Variants in COG5 observed in about 807,000 individuals in gnomAD.
COG5 encodes conserved oligomeric Golgi complex subunit 5.
Under a neutral mutation model 110.4 loss-of-function variants are expected in COG5, and 86 were observed. The observed-to-expected ratio is 0.78, with a 90% CI of 0.65 to 0.93. The LOEUF (loss-of-function observed/expected upper bound fraction) is 0.93. COG5 is among the 40% of genes least tolerant of loss of function. The pLI, the probability that COG5 is intolerant of heterozygous loss-of-function variation, is 0.00. For missense variants in COG5, 1,077 were observed against 987.0 expected (o/e 1.09, Z -1.22); for synonymous variants, 360 against 334.6 (o/e 1.08, Z -0.83).
intron 1 of COG5, among the ~76,000 whole-genome samples, chr7:107,561,765 A>G (rs1180013953): frequency 6.6e-6 from 1 of 152,222 alleles, no homozygotes; most frequent in African/African-American, 2.4e-5. Context: ...TCACGAGGTC[A>G]GGAGATCGAG....
Position 107,248,481 on chromosome 7 carries a change from CCA to C in COG5, c.1766_1767del (p.Met589ArgfsTer38). The C allele has an allele frequency of 6.2e-7, 1 of 1,603,130 alleles. No homozygotes were observed. The highest frequency in any genetic ancestry group is 8.5e-7 in the Non-Finnish European group (1 of 1,172,702). On this transcript the variant is annotated frameshift_variant, in exon 17 of 22. Transcript: ENST00000297135. LOFTEE classifies it high-confidence loss of function. ...ISALKAIHALMENAVQPLLTS... is the reference protein window; with the variant it reads ...ISALKAIHALXENAVQPLLTS... ...GTGAGTAAGGGTTGCACAGCATTTT[CCA>C]TAAGAGCATGAATAGCCTAAAAAAA...
At chr7:107,529,024 T>TAAAAAAAAAAAAAAAAA (rs58281094) in intron 5 of COG5, among the ~76,000 whole-genome samples, 5 of 97,828 alleles carry the variant, frequency 5.1e-5, no homozygotes, top group African/African-American at 1.5e-4. Context: ...AATACTTAAA[T>TAAAAAAAAAAAAAAAAA]AAAAAAAAAA....
intron 3 of COG5, among the ~76,000 whole-genome samples, chr7:107,552,896 T>C: frequency 6.6e-6 from 1 of 152,098 alleles, no homozygotes; most frequent in East Asian, 1.9e-4. Context: ...TAAAGAAACA[T>C]GGTACATATA....
chr7:107,539,477 C>G (rs908199692), intron 5 of COG5, among the ~76,000 whole-genome samples: 1 of 152,048 alleles, frequency 6.6e-6, no homozygotes, highest in African/African-American at 2.4e-5. Context: ...CATGAAATGT[C>G]CTGAATAGGG....
intron 14 of COG5, among the ~76,000 whole-genome samples, chr7:107,265,465 A>C (rs1380901094): frequency 6.6e-6 from 1 of 152,052 alleles, no homozygotes; most frequent in African/African-American, 2.4e-5. Context: ...TTCTGTAGAG[A>C]CAGGGTCCAC....
Position 107,557,988 on chromosome 7 carries a change from T to G in COG5, c.222A>C (p.Glu74Asp). Residue 74 changes from glutamate (E) to aspartate (D), a missense_variant, in exon 2 of 22, where the codon GAA becomes GAC. Glu to Asp is a conservative substitution (Grantham distance 45). Transcript: ENST00000297135. ...LAQGISQLDR[E>D]LHLQVVARHE... ...AGATCAGAATTACCTGTAAGTGTAG[T>G]TCTCTGTCCAACTGACTGATTCCTT... 1 of 1,613,592 alleles carries G rather than the reference T, an allele frequency of 6.2e-7. No individual in the cohort carries two copies. The highest frequency in any genetic ancestry group is 1.1e-5 in the South Asian group (1 of 91,036).
At chr7:107,398,508 C>A (rs1791177451) in intron 7 of COG5, among the ~76,000 whole-genome samples, 1 of 152,172 alleles carries the variant, frequency 6.6e-6, no homozygotes. Context: ...AGGTTGTGTG[C>A]TCCTTATGAG....
intron 6 of COG5, among the ~76,000 whole-genome samples, chr7:107,433,392 C>A (rs1197028550): frequency 1.3e-5 from 2 of 152,076 alleles, no homozygotes; most frequent in African/African-American, 4.8e-5. Flanking sequence ...ACAGCCAAAA[C>A]AAAAGATGCA....
intron 14 of COG5, among the ~76,000 whole-genome samples, chr7:107,268,435 G>A (rs149894077): frequency 3.9e-5 from 6 of 152,238 alleles, no homozygotes; most frequent in Admixed American, 2.6e-4. Flanking sequence ...TTACCTGATC[G>A]AAAGCAGGAA....
chr7:107,360,786 A>T (rs1037254346), intron 10 of COG5, among the ~76,000 whole-genome samples: 3 of 152,174 alleles, frequency 2.0e-5, no homozygotes, highest in African/African-American at 7.2e-5. Flanking sequence ...CTTGTCACTC[A>T]CATACCACTC....
At position 107,415,935 on chromosome 7, in the gene COG5, T is replaced by C. The variant is rs1369334021; in HGVS notation, c.539-3303A>G. 2.4e-5 allele frequency among the ~76,000 whole-genome samples: 3 copies of C among 126,754 alleles called. 1 individual carries two copies. The highest frequency in any genetic ancestry group is 5.1e-5 in the Non-Finnish European group (3 of 58,476). The allele number at this position is 126,754 out of a possible 152,430, so 83.2% of individuals were successfully genotyped here. A position where few individuals can be genotyped will look rare whatever the true frequency, so the allele number is the denominator to read the frequency against. On this transcript the variant is annotated intron_variant, in intron 6 of 21. Coordinates refer to ENST00000297135, the MANE Select transcript of COG5 (RefSeq NM_006348.5). ...GTATGTGTGTGTATATACACACACATACACGTATGTATGTATGTGTGTGTA... is the reference window on the plus strand; with the variant it reads ...GTATGTGTGTGTATATACACACACACACACGTATGTATGTATGTGTGTGTA...
intron 11 of COG5, among the ~76,000 whole-genome samples, chr7:107,309,500 T>C (rs994972903): frequency 1.3e-5 from 2 of 152,120 alleles, no homozygotes; most frequent in African/African-American, 4.8e-5. Context: ...CAGAGCCCAG[T>C]GGGAGACACA....
chr7:107,500,129 C>T (rs1464748730), intron 6 of COG5, among the ~76,000 whole-genome samples: 2 of 152,154 alleles, frequency 1.3e-5, no homozygotes, highest in Non-Finnish European at 2.9e-5. Context: ...GTAATGTATG[C>T]TACACTGAAT....
intron 6 of COG5, among the ~76,000 whole-genome samples, chr7:107,511,272 C>T (rs1311405594): frequency 4.6e-5 from 7 of 152,118 alleles, no homozygotes; most frequent in South Asian, 2.1e-4. Context: ...AACACCTCTA[C>T]GCAAATAAAC....
At chr7:107,437,542 C>T (rs1425217049) in intron 6 of COG5, among the ~76,000 whole-genome samples, 1 of 152,110 alleles carries the variant, frequency 6.6e-6, no homozygotes, top group Admixed American at 6.5e-5. Flanking sequence ...CTTTCAGATA[C>T]TTAAAGTCCT....
intron 10 of COG5, among the ~76,000 whole-genome samples, chr7:107,356,772 C>T (rs973872252): frequency 1.3e-5 from 2 of 151,986 alleles, no homozygotes; most frequent in Admixed American, 1.3e-4. Flanking sequence ...TCATCCTGAA[C>T]TAGTTATACT....
intron 7 of COG5, among the ~76,000 whole-genome samples, chr7:107,409,230 G>GAAAAAAAAAAAAAAAAAAAAAAAAAA (rs11366303): frequency 9.5e-6 from 1 of 104,992 alleles, no homozygotes; most frequent in Non-Finnish European, 2.0e-5. Flanking sequence ...CAACGTCAAG[G>GAAAAAAAAAAAAAAAAAAAAAAAAAA]AAAAAAAAAA....
intron 18 of COG5, among the ~76,000 whole-genome samples, chr7:107,231,989 T>C (rs995386034): frequency 9.8e-5 from 15 of 152,356 alleles, no homozygotes; most frequent in African/African-American, 1.9e-4. Context: ...GTCAAACTTA[T>C]GACCTCAGTG....
chr7:107,294,911 GTGTGTGTGTGTGTA>G (rs1427124976), intron 12 of COG5, among the ~76,000 whole-genome samples: 2 of 87,038 alleles, frequency 2.3e-5, no homozygotes, highest in Admixed American at 2.5e-4. Context: ...GTGTGTGTGT[GTGTGTGTGTGTGTA>G]TATATACACA....
Sources: allele counts gnomAD v4.1 joint callset (sites outside exome capture counted in the v4.1 genomes callset), GRCh38; gene constraint gnomAD v4.1.1; transcripts MANE v1.5; gene names NCBI Gene and HGNC (gene_info 2026-07-23, HGNC 2026-07-21).